Variants in HCFC2 observed in about 807,000 individuals in gnomAD.
HCFC2 encodes the protein host cell factor C2, also known as host cell factor 2.
HCFC2 carries 18 observed loss-of-function variants against 89.2 expected under a neutral mutation model. The ratio of observed to expected loss-of-function variants is 0.20; its 90% CI spans 0.14 to 0.30. The LOEUF (loss-of-function observed/expected upper bound fraction) is 0.30. HCFC2 is among the 10% of genes least tolerant of loss of function. HCFC2 has a pLI of 1.00. For missense variants in HCFC2, 578 were observed against 956.1 expected, an observed-to-expected ratio of 0.60 and a Z score of 5.21; for synonymous variants, 308 against 335.7, an observed-to-expected ratio of 0.92 and a Z score of 0.90.
rs1438185802 is a variant in HCFC2, at chr12:104,088,057, G to A, written c.1284+19G>A. On this transcript the variant is annotated intron_variant, in intron 9 of 14. Transcript: ENST00000229330. ...TAACAGTGTAAGTAAAAAAGTGTAT[G>A]AAGGTAATTGGATGTTTATGGTTAT... 3 of 1,556,680 alleles carry A rather than the reference G, an allele frequency of 1.9e-6. No homozygotes were observed. In the Admixed American group the frequency reaches 5.2e-5, roughly 27 times the overall value.
chr12:104,085,155 T>C (rs1443670266), intron 7 of HCFC2, among the ~76,000 whole-genome samples: 4 of 152,226 alleles, frequency 2.6e-5, no homozygotes, highest in Admixed American at 2.0e-4. Flanking sequence ...CACCAAAGCA[T>C]TATCTGAGAG....
At chr12:104,074,318 C>CT (rs951375338) in intron 3 of HCFC2, among the ~76,000 whole-genome samples, 1 of 151,580 alleles carries the variant, frequency 6.6e-6, no homozygotes, top group Non-Finnish European at 1.5e-5. Flanking sequence ...AATTTTAAAA[C>CT]TTTTTTTTTC....
At chr12:104,067,887 A>AATTGT in intron 2 of HCFC2, 60 bp from the exon 3 acceptor site, 1 of 1,450,592 alleles carries the variant, frequency 6.9e-7, no homozygotes, top group Non-Finnish European at 9.1e-7. Context: ...TGCACTATTG[A>AATTGT]CAATATAGGA....
chr12:104,085,941 A>G (rs1486804145), intron 7 of HCFC2, among the ~76,000 whole-genome samples: 4 of 151,028 alleles, frequency 2.6e-5, no homozygotes, highest in Non-Finnish European at 4.4e-5. Context: ...CATTTAGGCA[A>G]TAATGTGCTC....
chr12:104,090,698 C>CA (rs74998411), intron 9 of HCFC2, among the ~76,000 whole-genome samples: 21,163 of 150,978 alleles, frequency 0.14, 1,802 homozygotes, highest in Admixed American at 0.22. Flanking sequence ...AATTATACTT[C>CA]AAAAATTTTG....
chr12:104,098,206 T>C, intron 12 of HCFC2, 137 bp from the exon 13 acceptor site: 1 of 613,210 alleles, frequency 1.6e-6, no homozygotes, highest in East Asian at 3.0e-5. Flanking sequence ...GTTAAGACTT[T>C]ATTTACTTAT....
intron 10 of HCFC2, among the ~76,000 whole-genome samples, chr12:104,094,649 T>G (rs952516084): frequency 1.3e-5 from 2 of 152,150 alleles, no homozygotes; most frequent in Admixed American, 6.5e-5. Context: ...CCAGAATTAT[T>G]TTATTAAAGT....
chr12:104,064,923 T>C lies in HCFC2; in HGVS notation c.163+200T>C. On this transcript the variant is annotated intron_variant, in intron 1 of 14. Transcript: ENST00000229330. The surrounding 1 kb of genome is among the most constrained non-coding windows in gnomAD (Gnocchi z 7.3). Reference sequence around the variant, plus strand: ...CGCAGCTCAGGATCTCCGGGGCCCTTGGGGCGCAACGGACCCCGAGCGGGG... The same window carrying C: ...CGCAGCTCAGGATCTCCGGGGCCCTCGGGGCGCAACGGACCCCGAGCGGGG... The C allele has an allele frequency of 2.4e-6, 1 of 422,324 alleles. No homozygotes were observed. 26.2% of individuals were successfully genotyped at this position (422,324 alleles called of 1,614,324 possible).
chr12:104,064,763 C>T lies in HCFC2; in HGVS notation c.163+40C>T, dbSNP rs752877248. 6 of 1,532,428 alleles carry T rather than the reference C, an allele frequency of 3.9e-6. No homozygotes were observed. Among genetic ancestry groups the T allele is most frequent in the Non-Finnish European group, 5.3e-6 (6 of 1,141,366 alleles). 94.9% of individuals were successfully genotyped at this position (1,532,428 alleles called of 1,614,324 possible). On this transcript the variant is annotated intron_variant, in intron 1 of 14. Transcript: ENST00000229330. The surrounding 1 kb of genome is among the most constrained non-coding windows in gnomAD (Gnocchi z 7.3). The stretch of plus-strand genomic sequence containing the variant: ...GGCTCGTCGGCCCCGCCTGCTGGAG[C>T]TGCGGAGGGGGAGGGGAGGCGAGGC...
intron 12 of HCFC2, among the ~76,000 whole-genome samples, chr12:104,096,930 C>T (rs1005149988): frequency 2.0e-5 from 3 of 151,968 alleles, no homozygotes; most frequent in African/African-American, 7.3e-5. Context: ...TTAATAGGAG[C>T]ACAACAGAAT....
rs1241497807 is a variant in HCFC2, at chr12:104,104,190, A to C, written c.*917A>C. 2.0e-5 allele frequency: 3 copies of C among 152,100 alleles called. No homozygotes were observed. Among genetic ancestry groups the C allele is most frequent in the African/African-American group, 7.2e-5 (3 of 41,456 alleles). 9.4% of individuals were successfully genotyped at this position (152,100 alleles called of 1,614,324 possible). ...TGTCCTCCTATTGGAGAAAAAAACA[A>C]GCACCTTAACAGGACACAAGTTTTA... On this transcript the variant is annotated 3_prime_UTR_variant, in exon 15 of 15. Transcript: ENST00000229330.
At position 104,064,620 on chromosome 12, in the gene HCFC2, C is replaced by A; in HGVS notation, c.60C>A (p.Pro20=). The part of the protein sequence containing the change: ...RRVSSFTGPV[P]RARHGHRAVA... ...TTTCTTCCTTCACGGGGCCGGTCCC[C>A]CGCGCCCGGCACGGACACCGAGCGG... is the stretch of plus-strand genomic sequence containing the variant. The change falls in exon 1 of 15, where the codon CCC becomes CCA. Residue 20 remains proline, a synonymous_variant. Transcript: ENST00000229330. The surrounding 1 kb of genome is among the most constrained non-coding windows in gnomAD (Gnocchi z 7.3). 1 of 1,578,110 alleles carries A rather than the reference C, an allele frequency of 6.3e-7. No homozygotes were observed. The highest frequency in any genetic ancestry group is 2.5e-5 in the East Asian group (1 of 39,760).
chr12:104,090,106 T>G (rs1227225450), intron 9 of HCFC2, among the ~76,000 whole-genome samples: 3 of 152,180 alleles, frequency 2.0e-5, no homozygotes, highest in Non-Finnish European at 4.4e-5. Context: ...GTATTTTCCT[T>G]TATTTCGTTG....
chr12:104,084,346 A>G (rs1883771152), intron 7 of HCFC2, among the ~76,000 whole-genome samples: 2 of 152,146 alleles, frequency 1.3e-5, no homozygotes, highest in Non-Finnish European at 2.9e-5. Flanking sequence ...TGGGTAGTCA[A>G]AAAAGGCTTC....
chr12:104,076,998 ATCTGTG>A (rs1172250142), intron 3 of HCFC2, among the ~76,000 whole-genome samples: 5 of 151,986 alleles, frequency 3.3e-5, no homozygotes, highest in South Asian at 4.1e-4. Flanking sequence ...GTGTTTATAC[ATCTGTG>A]TCTGTGTCTG....
chr12:104,071,801 C>T (rs748859532), intron 3 of HCFC2, among the ~76,000 whole-genome samples: 11 of 152,228 alleles, frequency 7.2e-5, no homozygotes, highest in Non-Finnish European at 1.3e-4. Flanking sequence ...GTTTTACTTT[C>T]TCCACCTTGG....
At chr12:104,102,750 T>A (rs967464184) in intron 14 of HCFC2, among the ~76,000 whole-genome samples, 9 of 152,212 alleles carry the variant, frequency 5.9e-5, no homozygotes, top group African/African-American at 2.2e-4. Context: ...CATTTAAACT[T>A]AGTTGTGTTT....
chr12:104,082,798 T>G lies in HCFC2; in HGVS notation c.960T>G (p.Ala320=). 1 of 1,613,976 alleles carries G rather than the reference T, an allele frequency of 6.2e-7. No individual in the cohort carries two copies. Among genetic ancestry groups the G allele is most frequent in the Non-Finnish European group, 8.5e-7 (1 of 1,179,856 alleles). The part of the protein sequence containing the change: ...SRPRPRAGHC[A]VAIGTRLYFW... ...CAAGACCAAGAGCTGGCCACTGTGC[T>G]GTTGCAATCGGCACTCGATTGTATT... The change falls in exon 7 of 15, where the codon GCT becomes GCG. Residue 320 remains alanine, a synonymous_variant. Transcript: ENST00000229330.
chr12:104,098,140 C>T (rs1171201621), intron 12 of HCFC2: 7 of 443,382 alleles, frequency 1.6e-5, no homozygotes, highest in Non-Finnish European at 2.8e-5. Context: ...TGGAGAATGC[C>T]TGTCACTCCT....
Sources: allele counts gnomAD v4.1 joint callset (sites outside exome capture counted in the v4.1 genomes callset), GRCh38; gene constraint gnomAD v4.1.1; non-coding constraint Gnocchi (gnomAD v3.1); transcripts MANE v1.5; gene names NCBI Gene and HGNC (gene_info 2026-07-23, HGNC 2026-07-21).